The following SNX29 variants were observed in gnomAD, a reference collection of about 807,000 sequenced individuals.
SNX29 encodes sorting nexin 29.
SNX29 carries 78 observed loss-of-function variants against 102.1 expected under a neutral mutation model. That is an observed-to-expected ratio of 0.76 (90% CI 0.64 to 0.92). The LOEUF (loss-of-function observed/expected upper bound fraction) is 0.92. Among genes scored for constraint, SNX29 ranks in the 40% least tolerant of loss-of-function variants. The pLI is 0.00. For synonymous variants in SNX29, 580 were observed against 414.5 expected (o/e 1.40, Z -4.85); for missense variants, 1,280 against 1,061.7 (o/e 1.21, Z -2.86).
intron 15 of SNX29, among the ~76,000 whole-genome samples, chr16:12,355,868 AAAAAAAAAGAG>A: frequency 7.3e-6 from 1 of 136,962 alleles, no homozygotes; most frequent in South Asian, 2.2e-4. Flanking sequence ...AAAAAAAAAA[AAAAAAAAAGAG>A]AGAGGAAAAA....
At chr16:12,553,093 C>G (rs946257869) in intron 20 of SNX29, among the ~76,000 whole-genome samples, 2 of 151,912 alleles carry the variant, frequency 1.3e-5, no homozygotes, top group Non-Finnish European at 2.9e-5. Context: ...ATAGTTCAGG[C>G]TTGGCCTGGG....
At chr16:12,039,716 G>A (rs977700305) in intron 4 of SNX29, among the ~76,000 whole-genome samples, 2 of 152,326 alleles carry the variant, frequency 1.3e-5, no homozygotes, top group Non-Finnish European at 2.9e-5. Context: ...AGTTGTGAAC[G>A]TGATCATTTT....
intron 15 of SNX29, among the ~76,000 whole-genome samples, chr16:12,285,062 T>G (rs1480007107): frequency 1.3e-5 from 2 of 152,212 alleles, no homozygotes. Flanking sequence ...TTTCCCCACT[T>G]TTCTGCCTGT....
intron 18 of SNX29, among the ~76,000 whole-genome samples, chr16:12,467,655 C>CATT (rs75996327): frequency 0.21 from 30,640 of 143,248 alleles, 4,074 homozygotes; most frequent in African/African-American, 0.42. Flanking sequence ...TTCATTCATT[C>CATT]CATTCACTCA....
chr16:12,196,643 A>T, intron 13 of SNX29, among the ~76,000 whole-genome samples: 1 of 120,264 alleles, frequency 8.3e-6, no homozygotes, highest in African/African-American at 3.0e-5. Flanking sequence ...TTTTTTGGAG[A>T]CGGAGTCTCA....
intron 20 of SNX29, 55 bp downstream of exon 20, chr16:12,524,896 G>T: frequency 6.3e-7 from 1 of 1,592,806 alleles, no homozygotes; most frequent in Non-Finnish European, 8.6e-7. Context: ...TTTTTTTCTC[G>T]GTCGTTTTGG....
chr16:12,117,006 A>G (rs2053741084), intron 11 of SNX29, among the ~76,000 whole-genome samples: 2 of 151,362 alleles, frequency 1.3e-5, no homozygotes, highest in African/African-American at 4.9e-5. Flanking sequence ...GGCGTGGTCA[A>G]TACGTGCTTC....
At chr16:12,308,914 G>A (rs143542576) in intron 15 of SNX29, among the ~76,000 whole-genome samples, 1 of 152,306 alleles carries the variant, frequency 6.6e-6, no homozygotes, top group Non-Finnish European at 1.5e-5. Context: ...GTTGCATGTA[G>A]GAAGGAGAGA....
chr16:12,284,187 C>G (rs562147901), intron 15 of SNX29, among the ~76,000 whole-genome samples: 7 of 152,236 alleles, frequency 4.6e-5, no homozygotes, highest in East Asian at 1.9e-4. Context: ...TTTGTCGCTG[C>G]CTTCTGCAGC....
chr16:12,395,049 G>C (rs964426131), intron 16 of SNX29, among the ~76,000 whole-genome samples: 2 of 152,224 alleles, frequency 1.3e-5, no homozygotes, highest in East Asian at 3.9e-4. Flanking sequence ...AATGGGAGGA[G>C]GTGTAATTTT....
At chr16:12,446,178 C>A (rs1361618200) in intron 18 of SNX29, among the ~76,000 whole-genome samples, 1 of 151,190 alleles carries the variant, frequency 6.6e-6, no homozygotes, top group African/African-American at 2.4e-5. Flanking sequence ...GCTTCTGCCT[C>A]CTGAGTAGCT....
chr16:12,368,321 C>T (rs2082561353), intron 16 of SNX29, among the ~76,000 whole-genome samples: 1 of 152,214 alleles, frequency 6.6e-6, no homozygotes, highest in Admixed American at 6.5e-5. Flanking sequence ...ATCTTTAAAG[C>T]TGGTCCTATG....
At chr16:12,542,941 C>CA (rs1037402519) in intron 20 of SNX29, among the ~76,000 whole-genome samples, 4 of 152,046 alleles carry the variant, frequency 2.6e-5, no homozygotes, top group Admixed American at 6.6e-5. Flanking sequence ...AGCCCTACTT[C>CA]AAATTAGCTT....
At chr16:12,067,217 C>T (rs2051078345) in intron 9 of SNX29, among the ~76,000 whole-genome samples, 1 of 151,928 alleles carries the variant, frequency 6.6e-6, no homozygotes, top group African/African-American at 2.4e-5. Context: ...ACTTGAACTT[C>T]TTGAGAATTT....
chr16:12,525,329 T>TA (rs61166841), intron 20 of SNX29, among the ~76,000 whole-genome samples: 4,376 of 137,270 alleles, frequency 0.032, 102 homozygotes, highest in East Asian at 0.1. Context: ...TTGAAAAAAG[T>TA]AAAAAAAAAA....
chr16:12,012,361 A>C (rs1284589226), intron 3 of SNX29, among the ~76,000 whole-genome samples: 2 of 152,134 alleles, frequency 1.3e-5, no homozygotes, highest in Non-Finnish European at 2.9e-5. Context: ...CTTCTCTGCT[A>C]TCACAGGGAA....
chr16:12,158,712 C>T (rs904658867), intron 13 of SNX29, among the ~76,000 whole-genome samples: 2 of 152,204 alleles, frequency 1.3e-5, no homozygotes, highest in South Asian at 2.1e-4. Context: ...ACCGGAGACT[C>T]GGGGTAGCCC....
chr16:12,494,475 C>T (rs537444349), intron 19 of SNX29, among the ~76,000 whole-genome samples: 9 of 152,254 alleles, frequency 5.9e-5, no homozygotes, highest in East Asian at 1.9e-4. Flanking sequence ...AACGTTGGGC[C>T]GCAGATTGCA....
At chr16:12,544,265 C>G (rs986591592) in intron 20 of SNX29, among the ~76,000 whole-genome samples, 3 of 152,212 alleles carry the variant, frequency 2.0e-5, no homozygotes, top group African/African-American at 4.8e-5. Context: ...GATTGCAACT[C>G]AGGACTTTAC....
Sources: gnomAD v4.1 joint callset for allele counts (sites outside exome capture counted in the v4.1 genomes callset) on GRCh38, gnomAD v4.1.1 for gene constraint, MANE v1.5 for transcripts, NCBI Gene and HGNC (gene_info 2026-07-23, HGNC 2026-07-21) for gene names.